MAL: variants seen among roughly 807,000 people sequenced by gnomAD.
MAL encodes myelin and lymphocyte protein.
MAL carries 5 observed loss-of-function variants against 16.7 expected under a neutral mutation model. That is an observed-to-expected ratio of 0.30 (90% CI 0.16 to 0.63). The LOEUF (loss-of-function observed/expected upper bound fraction) is 0.63. MAL is among the 30% of genes least tolerant of loss of function. The pLI, the probability that MAL is intolerant of heterozygous loss-of-function variation, is 0.82. For missense variants in MAL, 202 were observed against 195.8 expected (o/e 1.03, Z -0.19); for synonymous variants, 96 against 85.5 (o/e 1.12, Z -0.67).
At chr2:95,036,907 G>A (rs533721800) in intron 1 of MAL, among the ~76,000 whole-genome samples, 68 of 152,174 alleles carry the variant, frequency 4.5e-4, no homozygotes, top group African/African-American at 1.5e-3. Context: ...GTGAGTGACT[G>A]AGTGAGTGAC....
intron 2 of MAL, 64 bp downstream of exon 2, chr2:95,048,190 A>G: frequency 8.0e-6 from 12 of 1,493,058 alleles, no homozygotes; most frequent in Non-Finnish European, 1.1e-5. Context: ...TCCCTGGCCC[A>G]GTAGGATGGG....
chr2:95,037,791 TGTGA>T (rs1674280169), intron 1 of MAL, among the ~76,000 whole-genome samples: 1 of 80,688 alleles, frequency 1.2e-5, no homozygotes, highest in Non-Finnish European at 2.6e-5. Context: ...TGAGTGACTG[TGTGA>T]GTGACTAAGT....
rs780966454 is a variant in MAL, at chr2:95,047,995, T to G, written c.130T>G (p.Ser44Ala). The G allele has an allele frequency of 4.4e-6, 7 of 1,605,562 alleles. No individual in the cohort carries two copies. The highest frequency in any genetic ancestry group is 1.7e-5 in the Admixed American group (1 of 59,396). Reference protein sequence around the residue: ...GGLVWILVASSLVPWPLVQGW... With the variant: ...GGLVWILVASALVPWPLVQGW... ...CCTGGTGTGGATCCTGGTGGCCTCC[T>G]CCCTGGTGCCCTGGCCCCTGGTCCA... is the stretch of plus-strand genomic sequence containing the variant. Residue 44 changes from serine to alanine, a missense_variant, in exon 2 of 4, where the codon TCC (serine) becomes GCC (alanine). Ser to Ala is a moderately conservative substitution (Grantham distance 99). Coordinates refer to ENST00000309988, the MANE Select transcript of MAL (RefSeq NM_002371.4).
chr2:95,035,959 G>A (rs1449526020), intron 1 of MAL, among the ~76,000 whole-genome samples: 5 of 152,162 alleles, frequency 3.3e-5, no homozygotes, highest in East Asian at 1.9e-4. Flanking sequence ...GTGAGCCACC[G>A]TGCCCAGCAA....
At chr2:95,027,323 A>G (rs1673967547) in intron 1 of MAL, among the ~76,000 whole-genome samples, 1 of 152,164 alleles carries the variant, frequency 6.6e-6, no homozygotes, top group African/African-American at 2.4e-5. Flanking sequence ...CCTTGGAACC[A>G]TCTACTACTG....
intron 1 of MAL, among the ~76,000 whole-genome samples, chr2:95,035,178 G>A (rs1015412043): frequency 1.4e-4 from 22 of 152,196 alleles, no homozygotes; most frequent in Admixed American, 1.3e-3. Flanking sequence ...TCTGGCAGGT[G>A]TACACCTGTT....
chr2:95,045,562 T>C (rs1391639866), intron 1 of MAL, among the ~76,000 whole-genome samples: 3 of 152,134 alleles, frequency 2.0e-5, no homozygotes, highest in Non-Finnish European at 2.9e-5. Flanking sequence ...TTGTGCTGAG[T>C]GCTACAGAGA....
intron 1 of MAL, among the ~76,000 whole-genome samples, chr2:95,037,257 G>T (rs1674245232): frequency 6.6e-6 from 1 of 151,084 alleles, no homozygotes; most frequent in Admixed American, 6.6e-5. Flanking sequence ...GAGTGAATGA[G>T]TGACTGAGTG....
At position 95,025,929 on chromosome 2, in the gene MAL, G is replaced by A. The variant is rs1573281495; in HGVS notation, c.93+44G>A. 2 of 1,481,382 alleles carry A rather than the reference G, an allele frequency of 1.4e-6. No homozygotes were observed. The highest frequency in any genetic ancestry group is 2.1e-5 in the Admixed American group (1 of 46,658). 91.8% of individuals were successfully genotyped at this position (1,481,382 alleles called of 1,614,324 possible). On this transcript the variant is annotated intron_variant, in intron 1 of 3. Transcript: ENST00000309988. This position sits in a 1 kb window ranked among gnomAD's most constrained non-coding sequence, Gnocchi z 5.6. ...GGGAAGGGACGGGGTGGGCTGAGCC[G>A]TGCGCTCTCTCGGGCGCCCAGCACA...
chr2:95,031,689 G>T (rs1674086454), intron 1 of MAL, among the ~76,000 whole-genome samples: 2 of 152,196 alleles, frequency 1.3e-5, no homozygotes, highest in Non-Finnish European at 2.9e-5. Flanking sequence ...GAGTGGGGCA[G>T]GCCCCGCTTG....
chr2:95,039,135 A>C (rs1290958809), intron 1 of MAL, among the ~76,000 whole-genome samples: 2 of 150,646 alleles, frequency 1.3e-5, no homozygotes, highest in East Asian at 4.0e-4. Context: ...TGAGTGAGTG[A>C]GTGAGTGAGT....
chr2:95,042,979 A>C (rs542395139), intron 1 of MAL, among the ~76,000 whole-genome samples: 10 of 152,326 alleles, frequency 6.6e-5, no homozygotes, highest in Admixed American at 5.2e-4. Context: ...GTTTACAACA[A>C]ATCTCAGCTT....
intron 1 of MAL, among the ~76,000 whole-genome samples, chr2:95,039,478 AAGTGACTG>A (rs1213091112): frequency 2.0e-4 from 11 of 54,866 alleles, no homozygotes; most frequent in Non-Finnish European, 3.1e-4. Context: ...GTGAGTGAGT[AAGTGACTG>A]AGTGACTGAG....
intron 1 of MAL, among the ~76,000 whole-genome samples, chr2:95,045,860 G>A (rs1338189095): frequency 6.6e-6 from 1 of 150,940 alleles, no homozygotes; most frequent in African/African-American, 2.4e-5. Flanking sequence ...ACTCAACTGT[G>A]GATGAAATCT....
intron 1 of MAL, among the ~76,000 whole-genome samples, chr2:95,039,084 GTGAC>G (rs1674359273): frequency 6.6e-6 from 1 of 150,564 alleles, no homozygotes; most frequent in African/African-American, 2.4e-5. Flanking sequence ...GACTGATTGA[GTGAC>G]TGAGTGAGTG....
At chr2:95,039,392 G>C (rs1479660718) in intron 1 of MAL, among the ~76,000 whole-genome samples, 4 of 150,678 alleles carry the variant, frequency 2.7e-5, no homozygotes, top group East Asian at 2.0e-4. Flanking sequence ...GAGTGAGTGA[G>C]TGAGTGACTG....
At position 95,025,983 on chromosome 2, in the gene MAL, A is replaced by C; in HGVS notation, c.93+98A>C. 9.5e-7 allele frequency: 1 copy of C among 1,053,548 alleles called. No homozygotes were observed. The highest frequency in any genetic ancestry group is 2.9e-5 in the East Asian group (1 of 34,188). The allele number at this position is 1,053,548 out of a possible 1,614,324, so 65.3% of individuals were successfully genotyped here. ...GTCGGACGGGATCCGCTAGCTGCGC[A>C]GGTTCTGGGAGCATCGGGGCAGCAG... On this transcript the variant is annotated intron_variant, in intron 1 of 3. Transcript: ENST00000309988. The surrounding 1 kb of genome is among the most constrained non-coding windows in gnomAD (Gnocchi z 5.6).
intron 3 of MAL, among the ~76,000 whole-genome samples, chr2:95,052,553 A>C (rs1674742478): frequency 6.6e-6 from 1 of 152,352 alleles, no homozygotes; most frequent in Middle Eastern, 3.4e-3. Context: ...GGAGTCACAG[A>C]GGCGTAGCCG....
At chr2:95,051,034 G>A (rs1649063732) in intron 3 of MAL, among the ~76,000 whole-genome samples, 1 of 152,204 alleles carries the variant, frequency 6.6e-6, no homozygotes. Context: ...CCATAAAATT[G>A]TTGTGAACAA....
Sources: gnomAD v4.1 joint callset for allele counts (sites outside exome capture counted in the v4.1 genomes callset) on GRCh38, gnomAD v4.1.1 for gene constraint, Gnocchi (gnomAD v3.1) non-coding constraint, MANE v1.5 for transcripts, NCBI Gene and HGNC (gene_info 2026-07-23, HGNC 2026-07-21) for gene names.